Variants in KSR1 observed in about 807,000 individuals in gnomAD.
KSR1 encodes the protein kinase suppressor of ras 1, also known as kinase suppressor of ras.
Under a neutral mutation model 92.9 loss-of-function variants are expected in KSR1, and 35 were observed. That is an observed-to-expected ratio of 0.38 (90% CI 0.29 to 0.50). The LOEUF is 0.50. Among genes scored for constraint, KSR1 ranks in the 20% least tolerant of loss-of-function variants. KSR1 has a pLI of 0.94. For missense variants in KSR1, 972 were observed against 1,158.5 expected (o/e 0.84, Z 2.34); for synonymous variants, 467 against 472.6 (o/e 0.99, Z 0.15).
intron 1 of KSR1, among the ~76,000 whole-genome samples, chr17:27,461,717 G>A (rs1389148706): frequency 6.6e-6 from 1 of 152,248 alleles, no homozygotes; most frequent in Non-Finnish European, 1.5e-5. Context: ...TGGTGCTGGA[G>A]AGAGGTCTTA....
rs192123805 is a variant in KSR1, at chr17:27,571,016, G to A, written c.373-6476G>A. On this transcript the variant is annotated intron_variant, in intron 2 of 20. Coordinates refer to ENST00000644974, the MANE Select transcript of KSR1 (RefSeq NM_001394583.1). ...GGAAATCCGAAGCCCAAAGAGGGGC[G>A]GGGACTTGTCCGAGGTCAGGGGCAT... Among the ~76,000 whole-genome samples the A allele has an allele frequency of 8.3e-3, 1,266 of 152,336 alleles. 55 individuals carry two copies. Among genetic ancestry groups the A allele is most frequent in the Admixed American group, 0.073 (1,111 of 15,310 alleles).
intron 2 of KSR1, among the ~76,000 whole-genome samples, chr17:27,570,940 G>T (rs1054353912): frequency 6.6e-6 from 1 of 152,210 alleles, no homozygotes; most frequent in Admixed American, 6.5e-5. Flanking sequence ...GGCACAACCC[G>T]GATTGAGAGC....
intron 1 of KSR1, among the ~76,000 whole-genome samples, chr17:27,518,833 G>A (rs1427356762): frequency 2.6e-5 from 4 of 152,216 alleles, no homozygotes; most frequent in East Asian, 1.9e-4. Flanking sequence ...CCATTGTGCC[G>A]TGGTGGGAAA....
At chr17:27,607,854 G>A (rs1421302783) in intron 14 of KSR1, 60 bp from the exon 15 acceptor site, 3 of 1,262,582 alleles carry the variant, frequency 2.4e-6, no homozygotes, top group South Asian at 1.3e-5. Flanking sequence ...GGCTCCACCA[G>A]GGTTGGGGTC....
At chr17:27,533,951 G>T (rs546884411) in intron 1 of KSR1, among the ~76,000 whole-genome samples, 1 of 143,686 alleles carries the variant, frequency 7.0e-6, no homozygotes, top group East Asian at 2.0e-4. Flanking sequence ...AAGGTGACAG[G>T]TGCGTGTGCG....
At chr17:27,589,139 T>C (rs1314378422) in intron 6 of KSR1, among the ~76,000 whole-genome samples, 2 of 152,202 alleles carry the variant, frequency 1.3e-5, no homozygotes, top group African/African-American at 4.8e-5. Flanking sequence ...CCATCTTTGT[T>C]GGGTGGAGAG....
intron 1 of KSR1, among the ~76,000 whole-genome samples, chr17:27,462,848 T>C (rs1299591255): frequency 3.9e-5 from 6 of 152,270 alleles, no homozygotes; most frequent in African/African-American, 1.4e-4. Flanking sequence ...TGTACATGTG[T>C]ATATTTGTGG....
chr17:27,502,303 C>T (rs1371303934), intron 1 of KSR1, among the ~76,000 whole-genome samples: 5 of 152,154 alleles, frequency 3.3e-5, no homozygotes, highest in East Asian at 1.9e-4. Context: ...AGTGGTCCTG[C>T]GAAGACAAGG....
intron 1 of KSR1, 112 bp from the exon 2 acceptor site, chr17:27,550,456 T>C: frequency 1.4e-6 from 1 of 700,430 alleles, no homozygotes; most frequent in Non-Finnish European, 2.6e-6. Flanking sequence ...AGCCAGCCCC[T>C]TCCCTCATCA....
Position 27,583,038 on chromosome 17 carries a change from A to G in KSR1, c.913A>G (p.Thr305Ala), listed in dbSNP as rs1213937313. The G allele has an allele frequency of 6.4e-7, 1 of 1,557,492 alleles. No individual in the cohort carries two copies. The highest frequency in any genetic ancestry group is 1.1e-5 in the South Asian group (1 of 88,776). ...KVFQLLPSFPTLTRSKSHESQ... is the reference protein window; with the variant it reads ...KVFQLLPSFPALTRSKSHESQ... The stretch of plus-strand genomic sequence containing the variant: ...CTTCCAGCTGCTGCCCAGCTTCCCC[A>G]CACTCACCCGGAGCAAGTCCCATGA... The change falls in exon 4 of 21, where the codon ACA becomes GCA. Residue 305 changes from threonine (T) to alanine (A), a missense_variant. This residue lies in a region of KSR1 where 611 missense variants were observed against 668.0 expected (regional missense o/e 0.91). Transcript: ENST00000644974.
At chr17:27,580,131 G>A (rs541773708) in intron 3 of KSR1, among the ~76,000 whole-genome samples, 63 of 152,200 alleles carry the variant, frequency 4.1e-4, no homozygotes, top group African/African-American at 1.4e-3. Flanking sequence ...GATTAAATAG[G>A]CAACTTGCAA....
intron 1 of KSR1, among the ~76,000 whole-genome samples, chr17:27,465,872 A>T (rs562998828): frequency 7.2e-5 from 11 of 152,132 alleles, no homozygotes; most frequent in Non-Finnish European, 1.5e-4. Flanking sequence ...AGGAAAAAAA[A>T]AAGCCACCTG....
chr17:27,536,433 A>C (rs939228420), intron 1 of KSR1, among the ~76,000 whole-genome samples: 1 of 152,146 alleles, frequency 6.6e-6, no homozygotes. Context: ...CACTAACTAA[A>C]TTACCTTTTG....
intron 13 of KSR1, among the ~76,000 whole-genome samples, chr17:27,604,939 G>C (rs2073699187): frequency 6.6e-6 from 1 of 152,224 alleles, no homozygotes; most frequent in Non-Finnish European, 1.5e-5. Context: ...CACTCCCCAG[G>C]TGATTGTAGC....
chr17:27,522,241 TAGAC>T lies in KSR1; in HGVS notation c.232-28324_232-28321del, dbSNP rs753260865. 1.2e-4 allele frequency among the ~76,000 whole-genome samples: 18 copies of T among 152,258 alleles called. No homozygotes were observed. The South Asian group carries it at 2.9e-3, about 25-fold the overall frequency. ...GGGGCAAGTTGACATGAAAAATCCATAGACAGGCAGAGTCAGGAAAAACAGGACT... is the reference window on the plus strand; with the variant it reads ...GGGGCAAGTTGACATGAAAAATCCATAGGCAGAGTCAGGAAAAACAGGACT... On this transcript the variant is annotated intron_variant, in intron 1 of 20. Coordinates refer to ENST00000644974, the MANE Select transcript of KSR1 (RefSeq NM_001394583.1).
chr17:27,599,678 T>C (rs968745531), intron 10 of KSR1, among the ~76,000 whole-genome samples: 1 of 152,224 alleles, frequency 6.6e-6, no homozygotes, highest in Non-Finnish European at 1.5e-5. Flanking sequence ...CTAAATTTAT[T>C]TTAAAATATT....
chr17:27,568,983 C>T (rs929539090), intron 2 of KSR1, among the ~76,000 whole-genome samples: 4 of 152,210 alleles, frequency 2.6e-5, no homozygotes, highest in African/African-American at 4.8e-5. Context: ...CCAAGGTTAA[C>T]GCAGCTTTTT....
rs369131326 is a variant in KSR1 at position 27,550,615 on chromosome 17, C to T, written c.279C>T (p.Ser93=). 21 of 764,804 alleles carry T rather than the reference C, an allele frequency of 2.7e-5. No individual in the cohort carries two copies. The highest frequency in any genetic ancestry group is 1.5e-4 in the African/African-American group (9 of 59,246). 47.4% of individuals were successfully genotyped at this position (764,804 alleles called of 1,614,324 possible). Residue 93 remains serine (S), a synonymous_variant, in exon 2 of 21, where the codon AGC becomes AGT. Coordinates refer to ENST00000644974, the MANE Select transcript of KSR1 (RefSeq NM_001394583.1). The part of the protein sequence containing the change: ...YICKQRQCKL[S]VAPGERTPEL... Reference sequence around the variant, plus strand: ...GTAAGCAGAGGCAGTGCAAGCTGAGCGTGGCTCCCGGTGAGAGGACCCCAG... The same window carrying T: ...GTAAGCAGAGGCAGTGCAAGCTGAGTGTGGCTCCCGGTGAGAGGACCCCAG...
intron 1 of KSR1, among the ~76,000 whole-genome samples, chr17:27,461,796 C>T (rs1362028339): frequency 1.4e-5 from 2 of 145,758 alleles, no homozygotes; most frequent in African/African-American, 2.5e-5. Context: ...GGGTTGTTTC[C>T]TCTTCTTGGA....
Sources: allele counts gnomAD v4.1 joint callset (sites outside exome capture counted in the v4.1 genomes callset), GRCh38; gene constraint gnomAD v4.1.1; regional missense constraint gnomAD v4.1.1; transcripts MANE v1.5; gene names NCBI Gene and HGNC (gene_info 2026-07-23, HGNC 2026-07-21).